COL10A1: variants seen among roughly 807,000 people sequenced by gnomAD.
COL10A1 encodes the protein collagen alpha-1(X) chain.
COL10A1 carries 10 observed loss-of-function variants against 18.2 expected under a neutral mutation model. The ratio of observed to expected loss-of-function variants is 0.55; its 90% CI spans 0.34 to 0.93. The LOEUF (loss-of-function observed/expected upper bound fraction) is 0.93, where lower values mean the gene tolerates loss of function less well. COL10A1 is among the 40% of genes least tolerant of loss of function. COL10A1 has a pLI of 0.02. For missense variants in COL10A1, 897 were observed against 853.5 expected, an observed-to-expected ratio of 1.05 and a Z score of -0.64; for synonymous variants, 330 against 316.6, an observed-to-expected ratio of 1.04 and a Z score of -0.45.
At chr6:116,177,919 T>A in the COL10A1 span, among the ~76,000 whole-genome samples, 2 of 152,164 alleles carry the variant, frequency 1.3e-5, no homozygotes, top group Non-Finnish European at 2.9e-5. Flanking sequence ...TAGAATACAT[T>A]TAACTCCTTA....
chr6:116,171,086 CT>C, the COL10A1 span, among the ~76,000 whole-genome samples: 11 of 148,902 alleles, frequency 7.4e-5, no homozygotes, highest in East Asian at 2.0e-4. Flanking sequence ...TAGAAGTCAT[CT>C]TTTTTTTTTA....
At chr6:116,146,464 A>G (rs1417075089) in intron 1 of COL10A1, among the ~76,000 whole-genome samples, 2 of 152,212 alleles carry the variant, frequency 1.3e-5, no homozygotes, top group East Asian at 3.8e-4. Context: ...AAAATGGGGG[A>G]AAGAAATCCC....
intron 2 of COL10A1, among the ~76,000 whole-genome samples, chr6:116,124,853 G>T (rs757219733): frequency 1.3e-5 from 2 of 152,068 alleles, no homozygotes; most frequent in Non-Finnish European, 2.9e-5. Context: ...TTCATTGTTG[G>T]GGGGGAGGCC....
At chr6:116,216,477 A>G in the COL10A1 span, among the ~76,000 whole-genome samples, 1 of 151,704 alleles carries the variant, frequency 6.6e-6, no homozygotes, top group Non-Finnish European at 1.5e-5. Context: ...TGCAAATTAA[A>G]TTACAGATCT....
At chr6:116,177,679 T>C in the COL10A1 span, among the ~76,000 whole-genome samples, 1 of 152,184 alleles carries the variant, frequency 6.6e-6, no homozygotes, top group African/African-American at 2.4e-5. Flanking sequence ...TAAGAGATAA[T>C]GTATCAAAAT....
At chr6:116,178,089 G>GTGTGTGTGTGCA in the COL10A1 span, among the ~76,000 whole-genome samples, 1 of 84,206 alleles carries the variant, frequency 1.2e-5, no homozygotes, top group Non-Finnish European at 2.3e-5. Flanking sequence ...GTGTGTGTGT[G>GTGTGTGTGTGCA]CGCGCGCGCG....
chr6:116,173,245 C>T, the COL10A1 span, among the ~76,000 whole-genome samples: 1 of 152,200 alleles, frequency 6.6e-6, no homozygotes, highest in South Asian at 2.1e-4. Context: ...TACCACTCAA[C>T]TTGAAATACA....
At chr6:116,214,331 C>G in the COL10A1 span, among the ~76,000 whole-genome samples, 4 of 152,122 alleles carry the variant, frequency 2.6e-5, no homozygotes, top group Non-Finnish European at 5.9e-5. Context: ...TTCTATTTTA[C>G]TTAAAAAGAT....
chr6:116,122,335 T>C (rs1483223792), intron 2 of COL10A1, among the ~76,000 whole-genome samples: 1 of 152,200 alleles, frequency 6.6e-6, no homozygotes, highest in Non-Finnish European at 1.5e-5. Flanking sequence ...AGAAAATGTT[T>C]AAGAACTATA....
At position 116,121,263 on chromosome 6, in the gene COL10A1, C is replaced by G. The variant is rs914825451; in HGVS notation, c.853G>C (p.Gly285Arg). 37 of 1,613,846 alleles carry G rather than the reference C, an allele frequency of 2.3e-5. No individual in the cohort carries two copies. Among genetic ancestry groups the G allele is most frequent in the Admixed American group, 3.3e-5 (2 of 60,006 alleles). Residue 285 changes from glycine to arginine, a missense_variant, in exon 3 of 3, where the codon GGG (glycine) becomes CGG (arginine). Physicochemically the swap from Gly to Arg is moderately radical, Grantham distance 125. Transcript: ENST00000651968. ...GGGGGCCCAGCTATTCCTGGAGCCCCAGGGAGACCTTTTGTTCCTGGAATC... is the reference window on the plus strand; with the variant it reads ...GGGGGCCCAGCTATTCCTGGAGCCCGAGGGAGACCTTTTGTTCCTGGAATC... ...PGIPGTKGLP[G>R]APGIAGPPGP...
At chr6:116,137,291 T>C in intron 1 of COL10A1, 1 of 157,600 alleles carries the variant, frequency 6.3e-6, no homozygotes, top group Middle Eastern at 2.6e-3. Flanking sequence ...GTGCTCCAGG[T>C]TTTATCCACA....
At chr6:116,135,364 A>G (rs1779562200) in intron 1 of COL10A1, among the ~76,000 whole-genome samples, 1 of 152,138 alleles carries the variant, frequency 6.6e-6, no homozygotes, top group Admixed American at 6.6e-5. Flanking sequence ...AATCCAAGTA[A>G]GTACTAGAAA....
At chr6:116,146,271 T>C (rs1204062657) in intron 1 of COL10A1, among the ~76,000 whole-genome samples, 2 of 152,222 alleles carry the variant, frequency 1.3e-5, no homozygotes, top group African/African-American at 4.8e-5. Context: ...TCAAAAGTTA[T>C]CTAGGCTTCA....
rs575195143 is a variant in COL10A1, at chr6:116,133,565, A to G, written c.-15-8058T>C. 7.2e-5 allele frequency among the ~76,000 whole-genome samples: 11 copies of G among 152,318 alleles called. No individual in the cohort carries two copies. The South Asian group carries it at 1.5e-3, about 20-fold the overall frequency. On this transcript the variant is annotated intron_variant, in intron 1 of 1. Coordinates refer to the COL10A1 transcript ENST00000418500. ...GTCTGTGTGGCAACACAGACCACCAAGAAACCCATCGTCAAAACGGATACT... is the reference window on the plus strand; with the variant it reads ...GTCTGTGTGGCAACACAGACCACCAGGAAACCCATCGTCAAAACGGATACT...
upstream of COL10A1, among the ~76,000 whole-genome samples, chr6:116,160,036 T>G (rs1035275600): frequency 2.1e-4 from 32 of 152,200 alleles, no homozygotes; most frequent in African/African-American, 7.7e-4. Flanking sequence ...CTTAGGTCAA[T>G]TCCATGACTT....
In COL10A1 at chr6:116,120,078, T is replaced by C. The variant is rs145003921; in HGVS notation, c.2038A>G (p.Met680Val). 6.1e-5 allele frequency: 98 copies of C among 1,613,176 alleles called. No homozygotes were observed. Among genetic ancestry groups the C allele is most frequent in the Admixed American group, 1.0e-4 (6 of 59,988 alleles). The stretch of plus-strand genomic sequence containing the variant: ...TAGATTAGCTCTGTGTGTACTCACA[T>C]TGGAGCCACTAGGAATCCTGAGAAA... ...SSFSGFLVAP[M>V] The change falls in exon 3 of 3, where the codon ATG (methionine) becomes GTG (valine). Residue 680 changes from methionine (M) to valine (V), a missense_variant. Physicochemically the swap from Met to Val is conservative, Grantham distance 21. Transcript: ENST00000651968.
chr6:116,181,739 TTG>T, the COL10A1 span, among the ~76,000 whole-genome samples: 12 of 151,948 alleles, frequency 7.9e-5, no homozygotes, highest in African/African-American at 2.9e-4. Context: ...GTGCACAAGA[TTG>T]AGAGAAATAA....
the COL10A1 span, among the ~76,000 whole-genome samples, chr6:116,215,439 TG>T: frequency 2.0e-5 from 3 of 152,174 alleles, no homozygotes; most frequent in Non-Finnish European, 2.9e-5. Flanking sequence ...GCTTTCAACC[TG>T]GTAAGATTTC....
the COL10A1 span, among the ~76,000 whole-genome samples, chr6:116,172,555 C>T: frequency 6.6e-6 from 1 of 151,930 alleles, no homozygotes; most frequent in Non-Finnish European, 1.5e-5. Context: ...CTCCTGACCC[C>T]CTGATCCACC....
Sources: allele counts gnomAD v4.1 joint callset (sites outside exome capture counted in the v4.1 genomes callset), GRCh38; gene constraint gnomAD v4.1.1; transcripts MANE v1.5; gene names NCBI Gene and HGNC (gene_info 2026-07-23, HGNC 2026-07-21).